The following PPP1R12A variants were observed in gnomAD, a reference collection of about 807,000 sequenced individuals.
PPP1R12A encodes the protein protein phosphatase 1 regulatory subunit 12A, also known as myosin binding subunit.
Under a neutral mutation model 139.6 loss-of-function variants are expected in PPP1R12A, and 19 were observed. That is an observed-to-expected ratio of 0.14 (90% CI 0.09 to 0.20). The LOEUF (loss-of-function observed/expected upper bound fraction) is 0.20. Among genes scored for constraint, PPP1R12A ranks in the 10% least tolerant of loss-of-function variants. The pLI, the probability that PPP1R12A is intolerant of heterozygous loss-of-function variation, is 1.00. For synonymous variants in PPP1R12A, 427 were observed against 420.6 expected (o/e 1.02, Z -0.19); for missense variants, 925 against 1,211.5 (o/e 0.76, Z 3.51).
chr12:79,779,277 C>G (rs535318092), intron 23 of PPP1R12A: 449 of 1,278,882 alleles, frequency 3.5e-4, no homozygotes, highest in Admixed American at 6.7e-4. Flanking sequence ...ATGCAAAAAG[C>G]AAGCAGCAGT....
intron 3 of PPP1R12A, 103 bp from the exon 4 acceptor site, chr12:79,832,594 GA>G: frequency 8.1e-7 from 1 of 1,228,642 alleles, no homozygotes; most frequent in Non-Finnish European, 1.1e-6. Flanking sequence ...AATTAAAAGT[GA>G]AAGTATGTCT....
chr12:79,904,370 T>C (rs766986599), intron 1 of PPP1R12A, among the ~76,000 whole-genome samples: 4 of 152,038 alleles, frequency 2.6e-5, no homozygotes, highest in Non-Finnish European at 4.4e-5. Flanking sequence ...CCGAACAGAC[T>C]GGAAACTCAA....
At chr12:79,898,824 CCAAAA>C (rs1289705333) in intron 1 of PPP1R12A, among the ~76,000 whole-genome samples, 2 of 152,246 alleles carry the variant, frequency 1.3e-5, no homozygotes, top group Admixed American at 6.5e-5. Flanking sequence ...CCTCCCTCAA[CCAAAA>C]CAAATCTTTT....
At chr12:79,795,863 G>A (rs901053985) in intron 17 of PPP1R12A, 104 bp from the exon 18 acceptor site, 5 of 1,060,324 alleles carry the variant, frequency 4.7e-6, no homozygotes, top group Non-Finnish European at 6.6e-6. Context: ...GACTATCTAG[G>A]GGGATGGAAG....
Position 79,822,224 on chromosome 12 carries a change from A to G in PPP1R12A, c.793-34T>C, listed in dbSNP as rs948818085. The G allele has an allele frequency of 5.0e-6, 7 of 1,398,980 alleles. No homozygotes were observed. The African/African-American group carries it at 8.6e-5, about 17-fold the overall frequency. 86.7% of individuals were successfully genotyped at this position (1,398,980 alleles called of 1,614,324 possible). On this transcript the variant is annotated intron_variant, in intron 5 of 24. Transcript: ENST00000450142. Reference sequence around the variant, plus strand: ...GAAACAAGGGGGGATGGTGATGGTCAAAAGTCAATAAATCATAAAATGCCT... The same window carrying G: ...GAAACAAGGGGGGATGGTGATGGTCGAAAGTCAATAAATCATAAAATGCCT...
rs1377055953 is a variant in PPP1R12A at position 79,885,060 on chromosome 12, A to G, written c.238-12122T>C. Among the ~76,000 whole-genome samples, 5 of 152,308 alleles carry G rather than the reference A, an allele frequency of 3.3e-5. No homozygotes were observed. In the East Asian group the frequency reaches 9.6e-4, roughly 29 times the overall value. On this transcript the variant is annotated intron_variant, in intron 1 of 24. Transcript: ENST00000450142. ...AAACAAACATAATTAAATTGAGTAA[A>G]CTTGCCATCACAAAACAAGTAGCAT...
At chr12:79,863,941 A>G (rs1881666597) in intron 2 of PPP1R12A, among the ~76,000 whole-genome samples, 1 of 152,172 alleles carries the variant, frequency 6.6e-6, no homozygotes, top group Non-Finnish European at 1.5e-5. Flanking sequence ...GAGACAGAAA[A>G]TTAACAAGGA....
intron 1 of PPP1R12A, among the ~76,000 whole-genome samples, chr12:79,923,338 A>G (rs902090756): frequency 9.2e-5 from 14 of 152,238 alleles, no homozygotes; most frequent in African/African-American, 3.4e-4. Context: ...AAAGTGGAAA[A>G]TATACTAAAT....
chr12:79,870,533 G>T (rs1264059619), intron 2 of PPP1R12A, among the ~76,000 whole-genome samples: 1 of 152,112 alleles, frequency 6.6e-6, no homozygotes, highest in African/African-American at 2.4e-5. Flanking sequence ...TTTTAAAAAA[G>T]AATCTTGTGG....
At chr12:79,931,017 TAGAC>T (rs1357326044) in intron 1 of PPP1R12A, among the ~76,000 whole-genome samples, 2 of 152,188 alleles carry the variant, frequency 1.3e-5, no homozygotes, top group African/African-American at 4.8e-5. Flanking sequence ...TGAAGAAAGA[TAGAC>T]CTGTTTTAGG....
intron 3 of PPP1R12A, among the ~76,000 whole-genome samples, chr12:79,839,789 G>C (rs1878498243): frequency 6.6e-6 from 1 of 152,138 alleles, no homozygotes; most frequent in South Asian, 2.1e-4. Context: ...TAAGTTTCCT[G>C]AGGCCTCCCC....
At chr12:79,840,054 T>A (rs1454068463) in intron 3 of PPP1R12A, among the ~76,000 whole-genome samples, 2 of 140,790 alleles carry the variant, frequency 1.4e-5, no homozygotes, top group African/African-American at 5.2e-5. Flanking sequence ...AGGGAGACAT[T>A]TTAAATAAAA....
At chr12:79,838,380 A>C (rs1471129343) in intron 3 of PPP1R12A, among the ~76,000 whole-genome samples, 1 of 152,224 alleles carries the variant, frequency 6.6e-6, no homozygotes, top group African/African-American at 2.4e-5. Context: ...GTGAAAGAAA[A>C]CCCAATTTTC....
intron 9 of PPP1R12A, among the ~76,000 whole-genome samples, chr12:79,811,757 C>G (rs1211034719): frequency 2.0e-5 from 3 of 151,934 alleles, no homozygotes; most frequent in African/African-American, 7.3e-5. Flanking sequence ...TTTTCTCCAA[C>G]CAGTTTGCTA....
intron 5 of PPP1R12A, among the ~76,000 whole-genome samples, chr12:79,823,556 T>C (rs1876395562): frequency 6.6e-6 from 1 of 151,806 alleles, no homozygotes; most frequent in South Asian, 2.1e-4. Context: ...CCATTGTCTG[T>C]TAATAAAATA....
intron 22 of PPP1R12A, chr12:79,782,736 T>TG: frequency 3.5e-6 from 1 of 281,696 alleles, no homozygotes; most frequent in Non-Finnish European, 7.1e-6. Flanking sequence ...TTGCTGAAAA[T>TG]GAATTCCTCA....
At chr12:79,782,340 T>C (rs1870557903) in intron 22 of PPP1R12A, 1 of 232,516 alleles carries the variant, frequency 4.3e-6, no homozygotes, top group Non-Finnish European at 8.7e-6. Context: ...CACAGCTATC[T>C]TGGTCTTGGC....
chr12:79,918,413 G>T (rs1887171250), intron 1 of PPP1R12A, among the ~76,000 whole-genome samples: 1 of 152,030 alleles, frequency 6.6e-6, no homozygotes, highest in Non-Finnish European at 1.5e-5. Context: ...TTCATTTCTT[G>T]TTTACTTGAC....
chr12:79,810,516 A>G (rs988250754), intron 9 of PPP1R12A, among the ~76,000 whole-genome samples: 3 of 152,224 alleles, frequency 2.0e-5, no homozygotes, highest in Non-Finnish European at 4.4e-5. Context: ...ATCATACTAA[A>G]GCCAATTAAA....
Sources: allele counts gnomAD v4.1 joint callset (sites outside exome capture counted in the v4.1 genomes callset), GRCh38; gene constraint gnomAD v4.1.1; transcripts MANE v1.5; gene names NCBI Gene and HGNC (gene_info 2026-07-23, HGNC 2026-07-21).